The following CDX2 variants were observed in gnomAD, a reference collection of about 807,000 sequenced individuals.
CDX2 encodes the protein caudal type homeobox 2, also known as homeobox protein CDX-2.
Under a neutral mutation model 25.5 loss-of-function variants are expected in CDX2, and 7 were observed. The observed-to-expected ratio is 0.27, with a 90% CI of 0.16 to 0.52. The LOEUF (loss-of-function observed/expected upper bound fraction) is 0.52. Ranked by LOEUF, CDX2 falls within the 20% of genes least tolerant of loss-of-function variation. CDX2 has a pLI of 0.97. For synonymous variants in CDX2, 222 were observed against 198.6 expected (o/e 1.12, Z -0.99); for missense variants, 375 against 431.4 (o/e 0.87, Z 1.16).
intron 1 of CDX2, among the ~76,000 whole-genome samples, chr13:27,966,141 C>A (rs1479182147): frequency 6.6e-6 from 1 of 152,238 alleles, no homozygotes; most frequent in African/African-American, 2.4e-5. Flanking sequence ...CAGGACAAGG[C>A]GATCTTATCA....
intron 1 of CDX2, among the ~76,000 whole-genome samples, chr13:27,965,304 C>T (rs1173315331): frequency 2.6e-5 from 4 of 152,120 alleles, no homozygotes; most frequent in East Asian, 1.9e-4. Context: ...ACCACCCTTT[C>T]GGTAAACCAA....
intron 1 of CDX2, 72 bp downstream of exon 1, chr13:27,968,394 C>A (rs539362380): frequency 1.4e-6 from 2 of 1,383,274 alleles, no homozygotes; most frequent in Admixed American, 3.5e-5. Flanking sequence ...ACTGGACGCG[C>A]GACGCGCAGC....
intron 1 of CDX2, 52 bp downstream of exon 1, chr13:27,968,414 C>T: frequency 7.0e-7 from 1 of 1,429,432 alleles, no homozygotes; most frequent in Non-Finnish European, 9.1e-7. Flanking sequence ...CAGCCACTGG[C>T]TCGACCCGCG....
Position 27,968,881 on chromosome 13 carries a change from A to ACCG in CDX2, c.123_125dup (p.Gly42dup). 1.9e-6 allele frequency: 3 copies of ACCG among 1,603,320 alleles called. No homozygotes were observed. Among genetic ancestry groups the ACCG allele is most frequent in the Non-Finnish European group, 2.6e-6 (3 of 1,176,372 alleles). On this transcript the variant is annotated inframe_insertion, in exon 1 of 3. Transcript: ENST00000381020. ...CTGCAGCTGCGGCCGCCACGTGGTA[A>ACCG]CCGCCGTAGTCCGGGTACTGCGGGG...
intron 1 of CDX2, among the ~76,000 whole-genome samples, chr13:27,966,790 C>A (rs907901913): frequency 6.6e-6 from 1 of 152,190 alleles, no homozygotes; most frequent in African/African-American, 2.4e-5. Flanking sequence ...AGTCACCACC[C>A]TCTTTCCGGG....
chr13:27,968,972 C>G lies in CDX2; in HGVS notation c.35G>C (p.Ser12Thr). The G allele has an allele frequency of 6.2e-7, 1 of 1,604,342 alleles. No individual in the cohort carries two copies. ...GTGGCGCACGGAGCTAGGGTACATG[C>G]TCACGTCCTTGTCCAGGAGGTAGCT... The part of the protein sequence containing the change: ...YVSYLLDKDV[S>T]MYPSSVRHSG... Residue 12 changes from serine (S) to threonine (T), a missense_variant, in exon 1 of 3, where the codon AGC becomes ACC. Physicochemically the swap from Ser to Thr is moderately conservative, Grantham distance 58. Coordinates refer to ENST00000381020, the MANE Select transcript of CDX2 (RefSeq NM_001265.6).
chr13:27,962,745 T>C lies in CDX2; in HGVS notation c.*370A>G. ...CTTTCCCTTGAGTCCCTCTCTCCCCTCGGCTCTAGCCAGAGGTGCAGCCTG... is the reference window on the plus strand; with the variant it reads ...CTTTCCCTTGAGTCCCTCTCTCCCCCCGGCTCTAGCCAGAGGTGCAGCCTG... On this transcript the variant is annotated 3_prime_UTR_variant, in exon 3 of 3. Coordinates refer to ENST00000381020, the MANE Select transcript of CDX2 (RefSeq NM_001265.6). 4.0e-6 allele frequency: 1 copy of C among 251,750 alleles called. No individual in the cohort carries two copies. Among genetic ancestry groups the C allele is most frequent in the South Asian group, 1.7e-4 (1 of 5,726 alleles). 15.6% of individuals were successfully genotyped at this position (251,750 alleles called of 1,614,324 possible). A position where few individuals can be genotyped will look rare whatever the true frequency, so the allele number is the denominator to read the frequency against.
chr13:27,964,974 C>G lies in CDX2; in HGVS notation c.583G>C (p.Asp195His). The G allele has an allele frequency of 6.2e-7, 1 of 1,614,078 alleles. No individual in the cohort carries two copies. The highest frequency in any genetic ancestry group is 1.1e-5 in the South Asian group (1 of 91,050). ...TTCTCCAGCTCCAGCCGCTGGTGGTCCGTGTACACCACTCGATATTTGTCT... is the reference window on the plus strand; with the variant it reads ...TTCTCCAGCTCCAGCCGCTGGTGGTGCGTGTACACCACTCGATATTTGTCT... ...TKDKYRVVYT[D>H]HQRLELEKEF... The change falls in exon 2 of 3, where the codon GAC (aspartate) becomes CAC (histidine). Residue 195 changes from aspartate to histidine, a missense_variant. By Grantham distance (81) the Asp-to-His change is moderately conservative. Coordinates refer to ENST00000381020, the MANE Select transcript of CDX2 (RefSeq NM_001265.6). The surrounding 1 kb of genome is among the most constrained non-coding windows in gnomAD (Gnocchi z 4.7).
chr13:27,965,430 A>C (rs1175920803), intron 1 of CDX2, among the ~76,000 whole-genome samples: 1 of 152,160 alleles, frequency 6.6e-6, no homozygotes, highest in Non-Finnish European at 1.5e-5. Flanking sequence ...CCCCGAAAAC[A>C]GCTGTCATTG....
chr13:27,966,301 C>T (rs1450909475), intron 1 of CDX2, among the ~76,000 whole-genome samples: 1 of 152,250 alleles, frequency 6.6e-6, no homozygotes, highest in East Asian at 1.9e-4. Context: ...GGGGCTGCGG[C>T]CCCGACCCCG....
rs1869123334 is a variant in CDX2 at position 27,962,867 on chromosome 13, G to A, written c.*248C>T. 6.7e-6 allele frequency: 3 copies of A among 449,696 alleles called. No homozygotes were observed. The highest frequency in any genetic ancestry group is 3.6e-5 in the Admixed American group (1 of 27,568). 27.9% of individuals were successfully genotyped at this position (449,696 alleles called of 1,614,324 possible). A position where few individuals can be genotyped will look rare whatever the true frequency, so the allele number is the denominator to read the frequency against. ...CTGCCAGTCCGGAATGAAGCCCAGC[G>A]GAGGCTTTCTGTCTCCTCAGTGGCA... On this transcript the variant is annotated 3_prime_UTR_variant, in exon 3 of 3. Coordinates refer to ENST00000381020, the MANE Select transcript of CDX2 (RefSeq NM_001265.6).
chr13:27,967,878 C>T (rs2137543462), intron 1 of CDX2, among the ~76,000 whole-genome samples: 1 of 152,314 alleles, frequency 6.6e-6, no homozygotes, highest in East Asian at 1.9e-4. Flanking sequence ...CTAGCACCTT[C>T]TTCCCAGCGA....
intron 1 of CDX2, chr13:27,967,292 G>A (rs1343375952): frequency 9.7e-6 from 5 of 513,190 alleles, no homozygotes; most frequent in South Asian, 6.2e-5. Context: ...CCGGTCGGCG[G>A]CATTCCCACC....
rs186344616 is a variant in CDX2 at position 27,963,147 on chromosome 13, C to G, written c.910G>C (p.Gly304Arg). ...GSVPGVLGPT[G>R]GVLNPTVTQ ...GTGACGGTGGGGTTTAGCACCCCCCCAGTTGGCCCCAGAACCCCAGGGACA... is the reference window on the plus strand; with the variant it reads ...GTGACGGTGGGGTTTAGCACCCCCCGAGTTGGCCCCAGAACCCCAGGGACA... Residue 304 changes from glycine (G) to arginine (R), a missense_variant, in exon 3 of 3, where the codon GGG becomes CGG. Physicochemically the swap from Gly to Arg is moderately radical, Grantham distance 125. Around this residue, in one of 3 missense-constraint regions of CDX2, gnomAD observed 58 missense variants for 59.4 expected, o/e 0.98. Coordinates refer to ENST00000381020, the MANE Select transcript of CDX2 (RefSeq NM_001265.6). The G allele has an allele frequency of 2.5e-6, 4 of 1,614,012 alleles. No individual in the cohort carries two copies. Among genetic ancestry groups the G allele is most frequent in the South Asian group, 1.1e-5 (1 of 91,062 alleles).
At position 27,964,523 on chromosome 13, in the gene CDX2, C is replaced by A. The variant is rs1167717452; in HGVS notation, c.687+347G>T. On this transcript the variant is annotated intron_variant, in intron 2 of 2. Coordinates refer to ENST00000381020, the MANE Select transcript of CDX2 (RefSeq NM_001265.6). This position sits in a 1 kb window ranked among gnomAD's most constrained non-coding sequence, Gnocchi z 4.7. ...GAGTTTGAGACCAACCTGGGTAAGA[C>A]AGTGAGACCATCTCTGCAAAAAATT... 2.6e-5 allele frequency among the ~76,000 whole-genome samples: 4 copies of A among 151,998 alleles called. No individual in the cohort carries two copies. The highest frequency in any genetic ancestry group is 5.9e-5 in the Non-Finnish European group (4 of 68,006).
intron 1 of CDX2, among the ~76,000 whole-genome samples, chr13:27,967,629 G>GCA (rs1237211838): frequency 1.3e-5 from 2 of 152,186 alleles, no homozygotes; most frequent in East Asian, 3.9e-4. Context: ...TTTTTCAGTT[G>GCA]CACACACACA....
intron 1 of CDX2, among the ~76,000 whole-genome samples, chr13:27,966,194 T>C (rs1343727731): frequency 2.0e-5 from 3 of 152,214 alleles, no homozygotes; most frequent in Admixed American, 2.0e-4. Flanking sequence ...CACATTCTGT[T>C]TGAATTACCA....
Position 27,969,292 on chromosome 13 carries a change from C to T in CDX2, c.-286G>A, listed in dbSNP as rs1869520071. On this transcript the variant is annotated 5_prime_UTR_variant, in exon 1 of 3. Transcript: ENST00000381020. ...CCGCCACAGGCTGGCGTGCGGAGCC[C>T]CAGGCCGGCGGCCTTCCGTGATTAA... 2.1e-6 allele frequency: 1 copy of T among 480,646 alleles called. No homozygotes were observed. The highest frequency in any genetic ancestry group is 4.0e-5 in the Admixed American group (1 of 25,006). The allele number at this position is 480,646 out of a possible 1,614,324, so 29.8% of individuals were successfully genotyped here.
At position 27,963,017 on chromosome 13, in the gene CDX2, T is replaced by TG. The variant is rs1869130982; in HGVS notation, c.*97dup. 7.8e-6 allele frequency: 10 copies of TG among 1,286,120 alleles called. No individual in the cohort carries two copies. The East Asian group carries it at 3.0e-4, about 39-fold the overall frequency. The allele number at this position is 1,286,120 out of a possible 1,614,324, so 79.7% of individuals were successfully genotyped here. ...AGCCAGGTCTGTAGGTCTATGGCTG[T>TG]GGGTGGGAGGGGAGGGGTCTCTCCT... is the stretch of plus-strand genomic sequence containing the variant. On this transcript the variant is annotated 3_prime_UTR_variant, in exon 3 of 3. Coordinates refer to ENST00000381020, the MANE Select transcript of CDX2 (RefSeq NM_001265.6).
Sources: gnomAD v4.1 joint callset for allele counts (sites outside exome capture counted in the v4.1 genomes callset) on GRCh38, gnomAD v4.1.1 for gene constraint, gnomAD v4.1.1 regional missense constraint, Gnocchi (gnomAD v3.1) non-coding constraint, MANE v1.5 for transcripts, NCBI Gene and HGNC (gene_info 2026-07-23, HGNC 2026-07-21) for gene names.